PADI2: variants seen among roughly 807,000 people sequenced by gnomAD.
The protein encoded by PADI2 is protein-arginine deiminase type-2.
PADI2 carries 70 observed loss-of-function variants against 81.1 expected under a neutral mutation model. The ratio of observed to expected loss-of-function variants is 0.86; its 90% CI spans 0.71 to 1.05. The LOEUF is 1.05. PADI2 is among the 50% of genes least tolerant of loss of function. PADI2 has a pLI of 0.00. For missense variants in PADI2, 853 were observed against 889.9 expected, an observed-to-expected ratio of 0.96 and a Z score of 0.53; for synonymous variants, 338 against 358.0, an observed-to-expected ratio of 0.94 and a Z score of 0.63.
chr1:17,069,079 GCTTCCTGCGGACGTTGGTGCCACAGTGGA>G lies in PADI2; in HGVS notation c.1934_1962del (p.Val645AlafsTer84), dbSNP rs775546665. On this transcript the variant is annotated frameshift_variant, in exon 16 of 16. Transcript: ENST00000375486. LOFTEE classifies it high-confidence loss of function. ...ATGTGCCACCACTTGAAGGTGAAGG[GCTTCCTGCGGACGTTGGTGCCACAGTGGA>G]CTTCCCCCAGAAATTTGTGGTAGGC... 6.2e-7 allele frequency: 1 copy of G among 1,614,212 alleles called. No homozygotes were observed. Among genetic ancestry groups the G allele is most frequent in the Non-Finnish European group, 8.5e-7 (1 of 1,180,008 alleles).
rs1368101158 is a variant in PADI2, at chr1:17,071,400, C to T, written c.1635+6G>A. ...CTCTGGCCCTGCACCCCTGCCCTGC[C>T]CTCACCTGGAAGTACAGGTTCTCCT... On this transcript the variant is annotated splice_donor_region_variant and intron_variant, in intron 14 of 15. Transcript: ENST00000375486. 6.2e-7 allele frequency: 1 copy of T among 1,608,768 alleles called. No individual in the cohort carries two copies. Among genetic ancestry groups the T allele is most frequent in the Admixed American group, 1.7e-5 (1 of 60,018 alleles).
chr1:17,092,192 T>C (rs1452783884), intron 6 of PADI2, among the ~76,000 whole-genome samples: 1 of 152,082 alleles, frequency 6.6e-6, no homozygotes. Flanking sequence ...GGGTTCTACA[T>C]AGACCCATGT....
chr1:17,118,008 A>T (rs1283031095), intron 1 of PADI2, among the ~76,000 whole-genome samples: 1 of 152,178 alleles, frequency 6.6e-6, no homozygotes, highest in African/African-American at 2.4e-5. Context: ...GAGGCCAGGG[A>T]CAGAGGCATG....
intron 10 of PADI2, among the ~76,000 whole-genome samples, chr1:17,080,352 G>C (rs940280782): frequency 1.3e-5 from 2 of 152,186 alleles, no homozygotes; most frequent in Non-Finnish European, 2.9e-5. Context: ...AGCCACAGGA[G>C]CCCCCACGTG....
At chr1:17,081,510 A>G (rs2078343674) in intron 10 of PADI2, among the ~76,000 whole-genome samples, 1 of 152,192 alleles carries the variant, frequency 6.6e-6, no homozygotes, top group Non-Finnish European at 1.5e-5. Flanking sequence ...GGCACTGGGT[A>G]AGGAATGTGG....
chr1:17,102,356 T>A (rs1464123125), intron 3 of PADI2, among the ~76,000 whole-genome samples: 11 of 152,214 alleles, frequency 7.2e-5, no homozygotes, highest in Non-Finnish European at 1.6e-4. Context: ...CATGCAGGCC[T>A]GGCACCCAGC....
Position 17,104,953 on chromosome 1 carries a change from C to T in PADI2, c.201G>A (p.Gln67=). 6.2e-7 allele frequency: 1 copy of T among 1,609,302 alleles called. No individual in the cohort carries two copies. ...TGGTGCTGGGCGAGAGAAGCCAGCG[C>T]TGCTTGCCATTGGTGGCCACCTCCT... ...EAEEVATNGK[Q]RWLLSPSTTL... The change falls in exon 2 of 16, where the codon CAG becomes CAA. Residue 67 remains glutamine, a synonymous_variant. Transcript: ENST00000375486.
chr1:17,118,324 C>T (rs1453205491), intron 1 of PADI2, among the ~76,000 whole-genome samples: 1 of 152,118 alleles, frequency 6.6e-6, no homozygotes, highest in East Asian at 1.9e-4. Flanking sequence ...CTGACCCCTC[C>T]AACCCTAGCA....
At position 17,099,855 on chromosome 1, in the gene PADI2, C is replaced by T. The variant is rs577234025; in HGVS notation, c.349+3132G>A. Among the ~76,000 whole-genome samples the T allele has an allele frequency of 3.3e-5, 5 of 152,302 alleles. No individual in the cohort carries two copies. In the South Asian group the frequency reaches 8.3e-4, roughly 25 times the overall value. On this transcript the variant is annotated intron_variant, in intron 3 of 15. Transcript: ENST00000375486. ...CATTTTATAGATGAGGAAGCCAAGG[C>T]TCAGGGGGATGATGTGACTTGTCAC...
rs989153365 is a variant in PADI2, at chr1:17,068,487, A to G, written c.*557T>C. On this transcript the variant is annotated 3_prime_UTR_variant, in exon 16 of 16. Coordinates refer to ENST00000375486, the MANE Select transcript of PADI2 (RefSeq NM_007365.3). The stretch of plus-strand genomic sequence containing the variant: ...GACTAGCCAACAGTGTCCACACTGC[A>G]GAGAGAAAGCCAAGAGGATTTGAGA... 1.3e-5 allele frequency: 2 copies of G among 159,868 alleles called. No homozygotes were observed. Among genetic ancestry groups the G allele is most frequent in the African/African-American group, 4.8e-5 (2 of 41,486 alleles). 9.9% of individuals were successfully genotyped at this position (159,868 alleles called of 1,614,324 possible).
chr1:17,101,563 A>G (rs770368569), intron 3 of PADI2, among the ~76,000 whole-genome samples: 38 of 151,872 alleles, frequency 2.5e-4, no homozygotes, highest in Admixed American at 2.3e-3. Context: ...GAGGTTCCCT[A>G]CCCCAGGGCT....
At chr1:17,084,940 T>C (rs1040398763) in intron 7 of PADI2, among the ~76,000 whole-genome samples, 3 of 152,248 alleles carry the variant, frequency 2.0e-5, no homozygotes, top group Non-Finnish European at 4.4e-5. Context: ...GTCACAGGGC[T>C]GTTAACCGCC....
At chr1:17,101,966 A>G (rs1408564248) in intron 3 of PADI2, among the ~76,000 whole-genome samples, 1 of 152,220 alleles carries the variant, frequency 6.6e-6, no homozygotes, top group African/African-American at 2.4e-5. Flanking sequence ...CTGGCACACC[A>G]TAGGTGCTCA....
chr1:17,078,640 G>A (rs1280738044), intron 11 of PADI2, among the ~76,000 whole-genome samples: 2 of 152,028 alleles, frequency 1.3e-5, no homozygotes, highest in African/African-American at 2.4e-5. Flanking sequence ...TGCTTGCCTC[G>A]GCCTCCCAAA....
Position 17,093,556 on chromosome 1 carries a change from C to G in PADI2, c.529+11G>C. 1 of 1,537,212 alleles carries G rather than the reference C, an allele frequency of 6.5e-7. No homozygotes were observed. Among genetic ancestry groups the G allele is most frequent in the Non-Finnish European group, 9.0e-7 (1 of 1,110,632 alleles). ...CTCATCCTGCCCCCCAAGTGCAGGG[C>G]CTGCTGGCACCTTCCTTGCTGTAGA... On this transcript the variant is annotated intron_variant, in intron 5 of 15. Coordinates refer to ENST00000375486, the MANE Select transcript of PADI2 (RefSeq NM_007365.3).
At chr1:17,089,612 AC>A (rs1311450614) in intron 6 of PADI2, among the ~76,000 whole-genome samples, 1 of 151,470 alleles carries the variant, frequency 6.6e-6, no homozygotes, top group Non-Finnish European at 1.5e-5. Flanking sequence ...TTCACAATGC[AC>A]CTCTATTCTG....
At chr1:17,080,671 G>C (rs1251367282) in intron 10 of PADI2, among the ~76,000 whole-genome samples, 1 of 152,222 alleles carries the variant, frequency 6.6e-6, no homozygotes, top group Non-Finnish European at 1.5e-5. Flanking sequence ...GGAAGCCTCA[G>C]AACCCTTCTT....
At chr1:17,104,803 G>T in intron 2 of PADI2, 75 bp downstream of exon 2, 2 of 1,319,192 alleles carry the variant, frequency 1.5e-6, no homozygotes, top group South Asian at 1.5e-5. Flanking sequence ...GTTTCTATGG[G>T]ACAGGGCTGG....
intron 13 of PADI2, 81 bp from the exon 14 acceptor site, chr1:17,071,572 C>A: frequency 2.0e-5 from 22 of 1,082,398 alleles, no homozygotes; most frequent in Non-Finnish European, 3.1e-5. Context: ...ATCCTCCAGG[C>A]CTGGGCTAAC....
Sources: gnomAD v4.1 joint callset for allele counts (sites outside exome capture counted in the v4.1 genomes callset) on GRCh38, gnomAD v4.1.1 for gene constraint, MANE v1.5 for transcripts, NCBI Gene and HGNC (gene_info 2026-07-23, HGNC 2026-07-21) for gene names.